RBM6: variants seen among roughly 807,000 people sequenced by gnomAD.
RBM6 encodes RNA-binding protein 6.
In RBM6, 23 loss-of-function variants were observed where a neutral mutation model predicts 140.4. That is an observed-to-expected ratio of 0.16 (90% CI 0.12 to 0.23). RBM6 has a LOEUF of 0.23. Ranked by LOEUF, RBM6 falls within the 10% of genes least tolerant of loss-of-function variation. The probability of loss-of-function intolerance (pLI) is 1.00; values close to 1 mark genes in which losing one functional copy is unlikely to be tolerated. For synonymous variants in RBM6, 439 were observed against 475.6 expected, an observed-to-expected ratio of 0.92 and a Z score of 1.00; for missense variants, 1,139 against 1,386.7, an observed-to-expected ratio of 0.82 and a Z score of 2.84.
intron 6 of RBM6, among the ~76,000 whole-genome samples, chr3:50,044,839 G>T (rs2089140087): frequency 6.6e-6 from 1 of 152,132 alleles, no homozygotes; most frequent in South Asian, 2.1e-4. Context: ...TTTGTCCTAT[G>T]ACTACCTATT....
At chr3:50,032,600 A>C (rs1403894850) in intron 6 of RBM6, among the ~76,000 whole-genome samples, 9 of 152,154 alleles carry the variant, frequency 5.9e-5, no homozygotes, top group Admixed American at 5.9e-4. Context: ...TTCCGGTTAC[A>C]GAACTCGTTT....
At chr3:49,987,575 C>A (rs1462823173) in intron 5 of RBM6, among the ~76,000 whole-genome samples, 1 of 152,134 alleles carries the variant, frequency 6.6e-6, no homozygotes, top group Non-Finnish European at 1.5e-5. Flanking sequence ...CCTCGACCTC[C>A]CAAAGTCCTG....
intron 16 of RBM6, chr3:50,065,741 G>A (rs916069108): frequency 9.3e-6 from 4 of 430,082 alleles, no homozygotes; most frequent in Admixed American, 2.5e-5. Context: ...TTCCTGCTCC[G>A]CATTATTAAT....
At chr3:50,073,952 C>T (rs1462531241) in intron 19 of RBM6, among the ~76,000 whole-genome samples, 4 of 151,762 alleles carry the variant, frequency 2.6e-5, no homozygotes, top group Non-Finnish European at 5.9e-5. Flanking sequence ...CAGGTTCAAG[C>T]GATTCTCCTG....
chr3:49,957,195 G>A (rs1045104040), intron 1 of RBM6, among the ~76,000 whole-genome samples: 3 of 151,978 alleles, frequency 2.0e-5, no homozygotes, highest in Non-Finnish European at 2.9e-5. Flanking sequence ...TATTGCCTAG[G>A]CTGGTCTCAA....
rs2089074102 is a variant in RBM6 at position 50,043,898 on chromosome 3, TA to T, written c.1558-4344del. Among the ~76,000 whole-genome samples, 4 of 86,894 alleles carry T rather than the reference TA, an allele frequency of 4.6e-5. No individual in the cohort carries two copies. The South Asian group carries it at 1.5e-3, about 32-fold the overall frequency. The allele number at this position is 86,894 out of a possible 152,430, so 57.0% of individuals were successfully genotyped here. On this transcript the variant is annotated intron_variant, in intron 6 of 20. Transcript: ENST00000266022. ...TGCCCAGCCTTTTTTTTTTTTTTTT[TA>T]AAGAGACGGAGTCTCACTCTGTCAC...
chr3:49,994,406 G>C (rs765994509), intron 5 of RBM6, among the ~76,000 whole-genome samples: 27 of 152,144 alleles, frequency 1.8e-4, no homozygotes, highest in Middle Eastern at 3.2e-3. Flanking sequence ...TGGAAATCTT[G>C]CGCACAAAGC....
At chr3:50,076,958 A>G in intron 20 of RBM6, 50 bp from the exon 21 acceptor site, 1 of 1,561,750 alleles carries the variant, frequency 6.4e-7, no homozygotes, top group Non-Finnish European at 8.6e-7. Context: ...ACCAGCGCTG[A>G]GGCTAATTAA....
chr3:49,971,545 C>CT (rs1553641050), intron 3 of RBM6, among the ~76,000 whole-genome samples: 5 of 143,368 alleles, frequency 3.5e-5, no homozygotes, highest in African/African-American at 5.1e-5. Flanking sequence ...GGAAATTTTT[C>CT]TTTTTTTTTG....
intron 6 of RBM6, chr3:50,047,126 G>A (rs1397458209): frequency 3.1e-6 from 3 of 972,336 alleles, no homozygotes; most frequent in African/African-American, 3.5e-5. Flanking sequence ...TTTATCCTGT[G>A]TATTTCTCTT....
At chr3:49,949,051 A>G (rs2108578176) in intron 1 of RBM6, among the ~76,000 whole-genome samples, 1 of 150,800 alleles carries the variant, frequency 6.6e-6, no homozygotes, top group South Asian at 2.1e-4. Flanking sequence ...GGCTGGTCTC[A>G]AATTTCTGAC....
rs146810232 is a variant in RBM6 at position 49,973,697 on chromosome 3, T to A, written c.1413+1549T>A. 9.5e-3 allele frequency among the ~76,000 whole-genome samples: 1,375 copies of A among 145,138 alleles called. 24 individuals carry two copies. Among genetic ancestry groups the A allele is most frequent in the African/African-American group, 0.034 (1,321 of 38,732 alleles). On this transcript the variant is annotated intron_variant, in intron 4 of 20. Coordinates refer to ENST00000266022, the MANE Select transcript of RBM6 (RefSeq NM_005777.3). The stretch of plus-strand genomic sequence containing the variant: ...GCCGCCAGGGTTCAAGAGATTCTCC[T>A]GCCTCAGCCTCCCAAGTAGCTGGGA...
chr3:50,022,935 C>A (rs954896012), intron 6 of RBM6, among the ~76,000 whole-genome samples: 2 of 151,816 alleles, frequency 1.3e-5, no homozygotes, highest in African/African-American at 2.4e-5. Context: ...CCCATCTCTA[C>A]CAAAAGTACA....
chr3:49,965,231 G>A (rs896603760), intron 2 of RBM6, among the ~76,000 whole-genome samples: 3 of 152,150 alleles, frequency 2.0e-5, no homozygotes, highest in African/African-American at 4.8e-5. Flanking sequence ...CAGAAAACAT[G>A]TAGATTTCAT....
rs766229464 is a variant in RBM6 at position 49,967,778 on chromosome 3, G to A, written c.353G>A (p.Arg118Lys). ...TCATCACAGTTGGACTTCAGGGGTA[G>A]GGACATACATTCTGGGGATTTTCGG... is the stretch of plus-strand genomic sequence containing the variant. ...RDSSQLDFRGRDIHSGDFRDR... is the reference protein window; with the variant it reads ...RDSSQLDFRGKDIHSGDFRDR... The change falls in exon 3 of 21, where the codon AGG becomes AAG. Residue 118 changes from arginine to lysine, a missense_variant. By Grantham distance (26) the Arg-to-Lys change is conservative. Transcript: ENST00000266022. This position sits in a 1 kb window ranked among gnomAD's most constrained non-coding sequence, Gnocchi z 4.0. 6.2e-7 allele frequency: 1 copy of A among 1,614,106 alleles called. No individual in the cohort carries two copies. Among genetic ancestry groups the A allele is most frequent in the South Asian group, 1.1e-5 (1 of 91,082 alleles).
At chr3:50,048,863 C>T (rs113867743) in intron 7 of RBM6, among the ~76,000 whole-genome samples, 1 of 152,092 alleles carries the variant, frequency 6.6e-6, no homozygotes, top group Admixed American at 6.5e-5. Context: ...AGTGCAATGG[C>T]GTGATTTCCA....
chr3:49,953,448 G>A (rs899252748), intron 1 of RBM6, among the ~76,000 whole-genome samples: 1 of 151,484 alleles, frequency 6.6e-6, no homozygotes, highest in African/African-American at 2.4e-5. Context: ...TCGATCTCTT[G>A]ACCTCGTGAT....
intron 6 of RBM6, among the ~76,000 whole-genome samples, chr3:50,007,835 A>G (rs2086659467): frequency 6.6e-6 from 1 of 152,104 alleles, no homozygotes; most frequent in Admixed American, 6.6e-5. Context: ...TCCCGGCCAT[A>G]AGAATCTTAA....
intron 5 of RBM6, among the ~76,000 whole-genome samples, chr3:49,985,955 G>T (rs776144121): frequency 4.0e-5 from 6 of 151,598 alleles, no homozygotes; most frequent in Non-Finnish European, 8.8e-5. Flanking sequence ...ATTGTGTTAT[G>T]TATAGAAAAT....
Sources: gnomAD v4.1 joint callset for allele counts (sites outside exome capture counted in the v4.1 genomes callset) on GRCh38, gnomAD v4.1.1 for gene constraint, Gnocchi (gnomAD v3.1) non-coding constraint, MANE v1.5 for transcripts, NCBI Gene and HGNC (gene_info 2026-07-23, HGNC 2026-07-21) for gene names.